PTPRD: variants seen among roughly 807,000 people sequenced by gnomAD.
PTPRD encodes receptor-type tyrosine-protein phosphatase delta.
In PTPRD, 34 loss-of-function variants were observed where a neutral mutation model predicts 214.5. The observed-to-expected ratio is 0.16, with a 90% confidence interval of 0.12 to 0.21. The LOEUF is 0.21. Among genes scored for constraint, PTPRD ranks in the 10% least tolerant of loss-of-function variants. The probability of loss-of-function intolerance (pLI) is 1.00; values close to 1 mark genes in which losing one functional copy is unlikely to be tolerated. For synonymous variants in PTPRD, 1,128 were observed against 845.7 expected (o/e 1.33, Z -5.79); for missense variants, 2,545 against 2,398.7 (o/e 1.06, Z -1.27).
At chr9:8,575,495 T>C (rs1007971847) in intron 14 of PTPRD, among the ~76,000 whole-genome samples, 5 of 152,136 alleles carry the variant, frequency 3.3e-5, no homozygotes, top group Non-Finnish European at 7.4e-5. Flanking sequence ...GAAAATAAAT[T>C]ACAGGCTAGT....
intron 12 of PTPRD, among the ~76,000 whole-genome samples, chr9:8,643,301 A>G (rs2154336910): frequency 6.6e-6 from 1 of 152,102 alleles, no homozygotes; most frequent in Non-Finnish European, 1.5e-5. Context: ...CATTACTCCT[A>G]TTTTATAGAT....
chr9:10,320,801 C>T (rs762244269), intron 3 of PTPRD, among the ~76,000 whole-genome samples: 18 of 152,036 alleles, frequency 1.2e-4, no homozygotes, highest in Non-Finnish European at 2.5e-4. Context: ...GATCTTGGCT[C>T]ACTGCAACCT....
chr9:10,252,248 G>A lies in PTPRD; in HGVS notation c.-545+88715C>T, dbSNP rs563351646. On this transcript the variant is annotated intron_variant, in intron 3 of 45. Transcript: ENST00000381196. ...TACAGCACGATGGACATGAAATGGT[G>A]TGTTCTGCAAAGTTAGATCACAAAA... Among the ~76,000 whole-genome samples, 16 of 152,312 alleles carry A rather than the reference G, an allele frequency of 1.1e-4. No individual in the cohort carries two copies. The South Asian group carries it at 2.1e-3, about 20-fold the overall frequency.
chr9:8,845,453 T>A (rs147257225), intron 11 of PTPRD, among the ~76,000 whole-genome samples: 93 of 152,340 alleles, frequency 6.1e-4, no homozygotes, highest in African/African-American at 2.1e-3. Context: ...TACAAGGCCC[T>A]GTGAAATCAG....
chr9:9,771,773 G>C (rs1375787930), intron 5 of PTPRD, among the ~76,000 whole-genome samples: 1 of 152,024 alleles, frequency 6.6e-6, no homozygotes, highest in Non-Finnish European at 1.5e-5. Context: ...CCGAATTTAA[G>C]AAATCAAATA....
At position 8,862,973 on chromosome 9, in the gene PTPRD, G is replaced by A. The variant is rs574555888; in HGVS notation, c.-103-129027C>T. On this transcript the variant is annotated intron_variant, in intron 11 of 45. Transcript: ENST00000381196. ...GGAGATATACCTAATGCTAGATGAC[G>A]CGTTAGTGGGTGCAGCGCACCAGCA... Among the ~76,000 whole-genome samples the A allele has an allele frequency of 1.6e-3, 245 of 152,248 alleles. 1 individual carries two copies. Among genetic ancestry groups the A allele is most frequent in the Non-Finnish European group, 9.0e-4 (61 of 68,024 alleles).
chr9:9,195,283 C>A (rs1454484423), intron 9 of PTPRD, among the ~76,000 whole-genome samples: 1 of 151,894 alleles, frequency 6.6e-6, no homozygotes, highest in Non-Finnish European at 1.5e-5. Flanking sequence ...AATTCACAAA[C>A]AACATTTAGT....
intron 12 of PTPRD, among the ~76,000 whole-genome samples, chr9:8,704,346 G>A (rs1199550409): frequency 2.0e-5 from 3 of 152,060 alleles, no homozygotes; most frequent in Non-Finnish European, 2.9e-5. Context: ...AATGAATGAC[G>A]GAAGAAAGGA....
intron 2 of PTPRD, among the ~76,000 whole-genome samples, chr9:10,511,069 T>C (rs946984323): frequency 6.6e-6 from 1 of 152,198 alleles, no homozygotes; most frequent in Non-Finnish European, 1.5e-5. Context: ...TTATGATTCA[T>C]ACATGTTATT....
chr9:8,918,150 G>A (rs1263468827), intron 11 of PTPRD, among the ~76,000 whole-genome samples: 1 of 152,120 alleles, frequency 6.6e-6, no homozygotes, highest in Admixed American at 6.5e-5. Flanking sequence ...ACTGAGAAAG[G>A]TTGCTTATTT....
chr9:9,603,484 C>T (rs565799991), intron 7 of PTPRD, among the ~76,000 whole-genome samples: 7 of 152,138 alleles, frequency 4.6e-5, no homozygotes, highest in Non-Finnish European at 8.8e-5. Flanking sequence ...CAGACTTGAA[C>T]CAGTCCTTGG....
chr9:9,491,349 G>A (rs1434098005), intron 8 of PTPRD, among the ~76,000 whole-genome samples: 1 of 151,764 alleles, frequency 6.6e-6, no homozygotes, highest in East Asian at 1.9e-4. Context: ...ATAATAGTTG[G>A]GGACTTTAAT....
chr9:10,425,756 C>T (rs2098607718), intron 2 of PTPRD, among the ~76,000 whole-genome samples: 1 of 151,868 alleles, frequency 6.6e-6, no homozygotes, highest in South Asian at 2.1e-4. Context: ...TGTCATTAAA[C>T]CAGCAGTCTA....
intron 11 of PTPRD, among the ~76,000 whole-genome samples, chr9:8,791,609 C>G (rs1308358236): frequency 1.4e-5 from 2 of 147,632 alleles, no homozygotes; most frequent in African/African-American, 5.1e-5. Context: ...CTCACTGCAA[C>G]CTGTGTCTCC....
intron 11 of PTPRD, among the ~76,000 whole-genome samples, chr9:8,879,271 T>C (rs1349225550): frequency 6.6e-6 from 1 of 152,188 alleles, no homozygotes; most frequent in African/African-American, 2.4e-5. Context: ...ATTGTTCCTG[T>C]TATCCTGGTT....
intron 5 of PTPRD, among the ~76,000 whole-genome samples, chr9:9,925,962 G>A (rs577518218): frequency 6.6e-6 from 1 of 152,166 alleles, no homozygotes; most frequent in South Asian, 2.1e-4. Context: ...CTAAGTAGCT[G>A]GGAGTACAGA....
At chr9:9,919,404 C>T (rs549138917) in intron 5 of PTPRD, among the ~76,000 whole-genome samples, 1 of 152,254 alleles carries the variant, frequency 6.6e-6, no homozygotes, top group African/African-American at 2.4e-5. Flanking sequence ...TCTTTCAACT[C>T]ATGTGCCATT....
intron 11 of PTPRD, among the ~76,000 whole-genome samples, chr9:8,930,132 C>T (rs574909865): frequency 2.9e-4 from 44 of 150,814 alleles, no homozygotes; most frequent in African/African-American, 1.1e-3. Flanking sequence ...CACAACAGGC[C>T]CCAGTGTGTG....
At chr9:9,724,034 G>C (rs10816167) in intron 7 of PTPRD, among the ~76,000 whole-genome samples, 34,021 of 151,834 alleles carry the variant, frequency 0.22, 4,714 homozygotes, top group South Asian at 0.3. Context: ...GTACAACGTT[G>C]AATAGAAGTG....
Sources: gnomAD v4.1 joint callset for allele counts (sites outside exome capture counted in the v4.1 genomes callset) on GRCh38, gnomAD v4.1.1 for gene constraint, MANE v1.5 for transcripts, NCBI Gene and HGNC (gene_info 2026-07-23, HGNC 2026-07-21) for gene names.